Variants in MAPK10 observed in about 807,000 individuals in gnomAD.
The protein encoded by MAPK10 is mitogen-activated protein kinase 10, also known as JNK3 alpha protein kinase.
Under a neutral mutation model 59.3 loss-of-function variants are expected in MAPK10, and 25 were observed. The ratio of observed to expected loss-of-function variants is 0.42; its 90% CI spans 0.31 to 0.59. The LOEUF (loss-of-function observed/expected upper bound fraction) is 0.59, where lower values mean the gene tolerates loss of function less well. Ranked by LOEUF, MAPK10 falls within the 20% of genes least tolerant of loss-of-function variation. The probability of loss-of-function intolerance (pLI) is 0.15; values close to 1 mark genes in which losing one functional copy is unlikely to be tolerated. For missense variants in MAPK10, 351 were observed against 568.9 expected (o/e 0.62, Z 3.90); for synonymous variants, 190 against 200.5 (o/e 0.95, Z 0.44).
chr4:86,530,601 G>A (rs1007048231), intron 1 of MAPK10, among the ~76,000 whole-genome samples: 8 of 152,112 alleles, frequency 5.3e-5, no homozygotes, highest in Admixed American at 3.3e-4. Context: ...TTGGTGTCTC[G>A]TGAGGGCCCA....
chr4:86,101,350 C>T lies in MAPK10; in HGVS notation c.565-133G>A, dbSNP rs2055349018. ...CTTGCCTACAGAGCTCTAAATAAGG[C>T]AAATGATTACTGCTACAAATAAGTT... is the stretch of plus-strand genomic sequence containing the variant. On this transcript the variant is annotated intron_variant, in intron 7 of 13. Transcript: ENST00000641462. 5 of 551,270 alleles carry T rather than the reference C, an allele frequency of 9.1e-6. No individual in the cohort carries two copies. The South Asian group carries it at 1.5e-4, about 16-fold the overall frequency. The allele number at this position is 551,270 out of a possible 1,614,324, so 34.1% of individuals were successfully genotyped here. A position where few individuals can be genotyped will look rare whatever the true frequency, so the allele number is the denominator to read the frequency against.
intron 1 of MAPK10, among the ~76,000 whole-genome samples, chr4:86,423,760 G>GAGATATATATATATAT (rs1746842550): frequency 8.5e-6 from 1 of 117,120 alleles, no homozygotes. Context: ...TAATTAGTGG[G>GAGATATATATATATAT]ATATATATAC....
intron 3 of MAPK10, chr4:86,194,014 C>T (rs1048527669): frequency 6.8e-6 from 2 of 293,750 alleles, no homozygotes; most frequent in Non-Finnish European, 1.3e-5. Flanking sequence ...TTCCCTGACC[C>T]CTTGCACTTC....
At position 86,349,484 on chromosome 4, in the gene MAPK10, TG is replaced by T. The variant is rs200561753; in HGVS notation, c.-7+5045del. ...GTATAAGAAATTCAAAGATGAGTCT[TG>T]CTCAAAATACCCCCTGGCTAAGGTG... On this transcript the variant is annotated intron_variant, in intron 2 of 13. Transcript: ENST00000641462. Among the ~76,000 whole-genome samples, 3 of 152,322 alleles carry T rather than the reference TG, an allele frequency of 2.0e-5. No individual in the cohort carries two copies. In the East Asian group the frequency reaches 5.8e-4, roughly 29 times the overall value.
chr4:86,575,697 C>T (rs1338954970), intron 1 of MAPK10, among the ~76,000 whole-genome samples: 2 of 151,274 alleles, frequency 1.3e-5, no homozygotes, highest in East Asian at 2.0e-4. Context: ...TGCAGAGTTA[C>T]ATTGATTACT....
chr4:86,108,399 C>A (rs968730614), intron 4 of MAPK10, among the ~76,000 whole-genome samples: 4 of 152,050 alleles, frequency 2.6e-5, no homozygotes, highest in Non-Finnish European at 5.9e-5. Context: ...GGAGGAAATG[C>A]AAAACCAGAA....
chr4:86,451,791 G>A (rs1274016435), intron 1 of MAPK10, among the ~76,000 whole-genome samples: 1 of 152,156 alleles, frequency 6.6e-6, no homozygotes. Context: ...GGAAACAGGG[G>A]AGGGCACACA....
chr4:86,527,531 G>A (rs1201835024), intron 1 of MAPK10, among the ~76,000 whole-genome samples: 1 of 152,126 alleles, frequency 6.6e-6, no homozygotes, highest in Admixed American at 6.5e-5. Flanking sequence ...TGAGGCTGTG[G>A]AGAAAAGGGA....
At chr4:86,036,495 ATGTTAAGC>A (rs1268480861) in intron 11 of MAPK10, among the ~76,000 whole-genome samples, 1 of 152,110 alleles carries the variant, frequency 6.6e-6, no homozygotes, top group Non-Finnish European at 1.5e-5. Context: ...AAACCACCAT[ATGTTAAGC>A]TGTCTTTATA....
chr4:86,589,330 T>C (rs76747024), intron 1 of MAPK10, among the ~76,000 whole-genome samples: 413 of 152,256 alleles, frequency 2.7e-3, no homozygotes, highest in African/African-American at 9.4e-3. Flanking sequence ...CCGTCTTTGT[T>C]AGGATGACTG....
intron 4 of MAPK10, among the ~76,000 whole-genome samples, chr4:86,115,298 C>A (rs2058134042): frequency 6.6e-6 from 1 of 152,202 alleles, no homozygotes; most frequent in Admixed American, 6.5e-5. Context: ...GGGAGTTCCC[C>A]TTATCCCATG....
intron 4 of MAPK10, among the ~76,000 whole-genome samples, chr4:86,145,271 A>G (rs2064658748): frequency 1.1e-5 from 1 of 91,310 alleles, no homozygotes; most frequent in African/African-American, 6.4e-5. Flanking sequence ...CTGAGGCAGG[A>G]GAATGGCGTG....
At chr4:86,496,573 G>C (rs1270262250) in intron 1 of MAPK10, among the ~76,000 whole-genome samples, 1 of 152,074 alleles carries the variant, frequency 6.6e-6, no homozygotes, top group Non-Finnish European at 1.5e-5. Context: ...ATCTTTTCAA[G>C]GCATTGAAAG....
intron 1 of MAPK10, among the ~76,000 whole-genome samples, chr4:86,562,177 G>A (rs1760730517): frequency 6.6e-6 from 1 of 152,148 alleles, no homozygotes; most frequent in South Asian, 2.1e-4. Flanking sequence ...GCAACATAGG[G>A]AAACCCCAAG....
intron 2 of MAPK10, among the ~76,000 whole-genome samples, chr4:86,338,784 T>C (rs17011731): frequency 0.17 from 25,788 of 152,106 alleles, 2,242 homozygotes; most frequent in East Asian, 0.26. Flanking sequence ...TATTTTGTTA[T>C]TTCAGTGATG....
chr4:86,225,804 A>G (rs1164284570), intron 2 of MAPK10, among the ~76,000 whole-genome samples: 1 of 152,224 alleles, frequency 6.6e-6, no homozygotes, highest in Non-Finnish European at 1.5e-5. Context: ...GCAGTGCACT[A>G]TTGGTGCCCA....
At chr4:86,162,086 C>T (rs1026596510) in intron 3 of MAPK10, among the ~76,000 whole-genome samples, 1 of 151,626 alleles carries the variant, frequency 6.6e-6, no homozygotes, top group Non-Finnish European at 1.5e-5. Flanking sequence ...TTGCCAAATA[C>T]TAGGTTTGGC....
At chr4:86,020,229 G>A (rs1030197595) in intron 13 of MAPK10, 5 of 152,148 alleles carry the variant, frequency 3.3e-5, no homozygotes, top group Admixed American at 1.3e-4. Context: ...TGTTTTTAAG[G>A]CTTATCCATG....
chr4:86,448,053 A>T (rs778610209), intron 1 of MAPK10, among the ~76,000 whole-genome samples: 3 of 152,172 alleles, frequency 2.0e-5, no homozygotes, highest in Non-Finnish European at 4.4e-5. Context: ...TATCTCACAC[A>T]GTTTTTGTGG....
Sources: allele counts gnomAD v4.1 joint callset (sites outside exome capture counted in the v4.1 genomes callset), GRCh38; gene constraint gnomAD v4.1.1; transcripts MANE v1.5; gene names NCBI Gene and HGNC (gene_info 2026-07-23, HGNC 2026-07-21).